Variants in ALPK1 observed in about 807,000 individuals in gnomAD.
The protein encoded by ALPK1 is alpha-protein kinase 1.
A neutral mutation model predicts 120.6 loss-of-function variants in ALPK1; 110 were observed. The ratio of observed to expected loss-of-function variants is 0.91; its 90% CI spans 0.78 to 1.07. The LOEUF (loss-of-function observed/expected upper bound fraction) is 1.07, where lower values mean the gene tolerates loss of function less well. Among genes scored for constraint, ALPK1 ranks in the 50% least tolerant of loss-of-function variants. ALPK1 has a pLI of 0.00. For missense variants in ALPK1, 1,498 were observed against 1,483.9 expected (o/e 1.01, Z -0.16); for synonymous variants, 582 against 560.3 (o/e 1.04, Z -0.55).
intron 4 of ALPK1, among the ~76,000 whole-genome samples, chr4:112,392,492 T>G (rs1184571423): frequency 6.6e-6 from 1 of 152,226 alleles, no homozygotes; most frequent in African/African-American, 2.4e-5. Context: ...ATTAGGTTAG[T>G]GAAAATGTAA....
chr4:112,357,599 T>A (rs2148714599), intron 2 of ALPK1: 6 of 1,594,004 alleles, frequency 3.8e-6, no homozygotes, highest in Non-Finnish European at 5.2e-6. Flanking sequence ...GAGTTGCAGA[T>A]CCCTTTCCCA....
At position 112,421,577 on chromosome 4, in the gene ALPK1, A is replaced by C. The variant is rs201455005; in HGVS notation, c.476-2367A>C. 4.6e-5 allele frequency among the ~76,000 whole-genome samples: 7 copies of C among 152,238 alleles called. No homozygotes were observed. In the East Asian group the frequency reaches 1.4e-3, roughly 29 times the overall value. On this transcript the variant is annotated intron_variant, in intron 5 of 15. Coordinates refer to ENST00000650871, the MANE Select transcript of ALPK1 (RefSeq NM_025144.4). ...ATTCTGGGCCGTCTTTATTTTCCCT[A>C]AATCTTGCTTAAAAATGGAATACAG...
rs766054218 is a variant in ALPK1 at position 112,426,547 on chromosome 4, G to T, written c.699+4G>T. 1.9e-6 allele frequency: 3 copies of T among 1,561,562 alleles called. No homozygotes were observed. Among genetic ancestry groups the T allele is most frequent in the Non-Finnish European group, 2.6e-6 (3 of 1,158,460 alleles). Reference sequence around the variant, plus strand: ...ACTTCCTCAGCCGGATAAAAAGGTGGTTTGTCTAGTGCTTCTTTTTCTCCT... The same window carrying T: ...ACTTCCTCAGCCGGATAAAAAGGTGTTTTGTCTAGTGCTTCTTTTTCTCCT... On this transcript the variant is annotated splice_donor_region_variant and intron_variant, in intron 8 of 15. Transcript: ENST00000650871.
At chr4:112,311,493 C>T (rs1728398660) in intron 1 of ALPK1, among the ~76,000 whole-genome samples, 1 of 152,298 alleles carries the variant, frequency 6.6e-6, no homozygotes, top group Non-Finnish European at 1.5e-5. Context: ...GACTCCATCT[C>T]TCTACCTCAG....
At chr4:112,393,085 A>G (rs1046042797) in intron 4 of ALPK1, among the ~76,000 whole-genome samples, 2 of 152,226 alleles carry the variant, frequency 1.3e-5, no homozygotes, top group Admixed American at 6.5e-5. Flanking sequence ...GCTGGTTGCC[A>G]TTGCAGGGGG....
At chr4:112,304,156 A>T (rs1448502973) in intron 1 of ALPK1, among the ~76,000 whole-genome samples, 3 of 152,146 alleles carry the variant, frequency 2.0e-5, no homozygotes, top group African/African-American at 7.2e-5. Flanking sequence ...TCATTGATGG[A>T]CACTTGGATT....
chr4:112,314,847 G>A (rs1728563080), intron 1 of ALPK1, among the ~76,000 whole-genome samples: 1 of 142,778 alleles, frequency 7.0e-6, no homozygotes, highest in African/African-American at 2.6e-5. Flanking sequence ...GTTGAAAAAT[G>A]TAAATTACTG....
At chr4:112,417,699 T>G (rs1043785960) in intron 5 of ALPK1, among the ~76,000 whole-genome samples, 2 of 152,176 alleles carry the variant, frequency 1.3e-5, no homozygotes, top group African/African-American at 2.4e-5. Flanking sequence ...TTGCCCAGAC[T>G]GGTCTTGAAT....
Position 112,382,609 on chromosome 4 carries a change from C to G in ALPK1, c.276+57C>G, listed in dbSNP as rs1578520437. 1.9e-6 allele frequency: 3 copies of G among 1,610,158 alleles called. 1 individual carries two copies. Among genetic ancestry groups the G allele is most frequent in the East Asian group, 4.5e-5 (2 of 44,854 alleles). ...TATCCCCAAGTGAGGCATTTAGACT[C>G]TAAGTGGTCTAATAGATTAAATTTC... On this transcript the variant is annotated intron_variant, in intron 4 of 15. Coordinates refer to ENST00000650871, the MANE Select transcript of ALPK1 (RefSeq NM_025144.4).
chr4:112,376,525 C>A (rs1024206745), intron 2 of ALPK1, among the ~76,000 whole-genome samples: 1 of 152,160 alleles, frequency 6.6e-6, no homozygotes, highest in Non-Finnish European at 1.5e-5. Context: ...CCTGCTAAGT[C>A]ACAGAATAGA....
In ALPK1 at chr4:112,325,789, C is replaced by T. The variant is rs578225773; in HGVS notation, c.-101+9937C>T. Among the ~76,000 whole-genome samples the T allele has an allele frequency of 2.0e-4, 30 of 152,308 alleles. No homozygotes were observed. The South Asian group carries it at 6.0e-3, about 31-fold the overall frequency. Reference sequence around the variant, plus strand: ...AGGGTTCACAAATGTTTCAGGCAACCTTAAATGATTTGAGTTTTTAAGCAA... The same window carrying T: ...AGGGTTCACAAATGTTTCAGGCAACTTTAAATGATTTGAGTTTTTAAGCAA... On this transcript the variant is annotated intron_variant, in intron 2 of 15. Coordinates refer to ENST00000650871, the MANE Select transcript of ALPK1 (RefSeq NM_025144.4).
rs6533616 is a variant in ALPK1 at position 112,423,991 on chromosome 4, A to G, written c.523A>G (p.Asn175Asp). Reference sequence around the variant, plus strand: ...TATTCTGAGCAGTCTAATAAGCAACAATGGAGCAACGGGTGAGTACTTTCA... The same window carrying G: ...TATTCTGAGCAGTCTAATAAGCAACGATGGAGCAACGGGTGAGTACTTTCA... ...EYILSSLISN[N>D]GATGTWLYRN... Residue 175 changes from asparagine to aspartate, a missense_variant, in exon 6 of 16, where the codon AAT becomes GAT. By Grantham distance (23) the Asn-to-Asp change is conservative. Transcript: ENST00000650871. The G allele has an allele frequency of 0.094, 151,089 of 1,613,412 alleles. 7,811 individuals are homozygous for G. Among genetic ancestry groups the G allele is most frequent in the Non-Finnish European group, 0.11 (124,921 of 1,179,644 alleles).
At chr4:112,359,231 A>G in intron 2 of ALPK1, 2 of 567,906 alleles carry the variant, frequency 3.5e-6, no homozygotes, top group South Asian at 1.8e-5. Flanking sequence ...GGGGGTCCAG[A>G]GCGCCCAGAG....
rs766053321 is a variant in ALPK1 at position 112,438,498 on chromosome 4, A to G, written c.3203A>G (p.Asp1068Gly). The G allele has an allele frequency of 6.2e-7, 1 of 1,613,576 alleles. No individual in the cohort carries two copies. Among genetic ancestry groups the G allele is most frequent in the Non-Finnish European group, 8.5e-7 (1 of 1,179,676 alleles). The change falls in exon 13 of 16, where the codon GAC (aspartate) becomes GGC (glycine). Residue 1068 changes from aspartate (D) to glycine (G), a missense_variant. Asp to Gly is a moderately conservative substitution (Grantham distance 94). Transcript: ENST00000650871. ...TTTGTTCATAGGTATGTTGGGAAAG[A>G]CTATAAGGAGCAGAAGGGGCTCTGG... is the stretch of plus-strand genomic sequence containing the variant. ...EEILGRYVGK[D>G]YKEQKGLWHH... is the part of the protein sequence containing the mutation.
Position 112,432,289 on chromosome 4 carries a change from T to C in ALPK1, c.2742T>C (p.Pro914=). The stretch of plus-strand genomic sequence containing the variant: ...CTACCACAGAGGAAGGAAATCAGCC[T>C]GGAAACATGCTAAACTGCAGCCAGA... The part of the protein sequence containing the change: ...DCTTTEEGNQ[P]GNMLNCSQNS... The change falls in exon 11 of 16, where the codon CCT becomes CCC. Residue 914 remains proline, a synonymous_variant. Coordinates refer to ENST00000650871, the MANE Select transcript of ALPK1 (RefSeq NM_025144.4). 1 of 1,614,202 alleles carries C rather than the reference T, an allele frequency of 6.2e-7. No homozygotes were observed. The highest frequency in any genetic ancestry group is 1.3e-5 in the African/African-American group (1 of 75,058).
At chr4:112,383,463 T>TAA (rs1220268193) in intron 4 of ALPK1, 4 of 152,152 alleles carry the variant, frequency 2.6e-5, no homozygotes, top group African/African-American at 9.7e-5. Flanking sequence ...AAAGACCCCC[T>TAA]GATCTATAGA....
At chr4:112,395,694 T>C (rs1365545976) in intron 4 of ALPK1, among the ~76,000 whole-genome samples, 2 of 152,250 alleles carry the variant, frequency 1.3e-5, no homozygotes, top group Non-Finnish European at 2.9e-5. Flanking sequence ...TAACATACTA[T>C]GTTTAGTTTT....
In ALPK1 at chr4:112,376,453, C is replaced by A. The variant is rs563216377; in HGVS notation, c.-100-1225C>A. 3.9e-5 allele frequency among the ~76,000 whole-genome samples: 6 copies of A among 152,182 alleles called. No homozygotes were observed. The South Asian group carries it at 1.2e-3, about 32-fold the overall frequency. On this transcript the variant is annotated intron_variant, in intron 2 of 15. Coordinates refer to ENST00000650871, the MANE Select transcript of ALPK1 (RefSeq NM_025144.4). ...ATATGGAGATACGAAGTATACCTGC[C>A]AAGTTAGTATGAAAAACACAAAATT...
At chr4:112,367,709 G>A (rs1731218935) in intron 2 of ALPK1, among the ~76,000 whole-genome samples, 1 of 152,092 alleles carries the variant, frequency 6.6e-6, no homozygotes, top group Admixed American at 6.5e-5. Context: ...TCTCCAAATG[G>A]TTCTACTGCT....
Sources: gnomAD v4.1 joint callset for allele counts (sites outside exome capture counted in the v4.1 genomes callset) on GRCh38, gnomAD v4.1.1 for gene constraint, MANE v1.5 for transcripts, NCBI Gene and HGNC (gene_info 2026-07-23, HGNC 2026-07-21) for gene names.